Variants in BTRC observed in about 807,000 individuals in gnomAD.
The protein encoded by BTRC is beta-transducin repeat containing E3 ubiquitin protein ligase, also known as F-box/WD repeat-containing protein 1A.
A neutral mutation model predicts 85.5 loss-of-function variants in BTRC; 42 were observed. That is an observed-to-expected ratio of 0.49 (90% CI 0.38 to 0.64). The LOEUF (loss-of-function observed/expected upper bound fraction) is 0.64. BTRC is among the 30% of genes least tolerant of loss of function. The pLI is 0.00. For missense variants in BTRC, 594 were observed against 743.5 expected (o/e 0.80, Z 2.34); for synonymous variants, 255 against 263.3 (o/e 0.97, Z 0.30).
chr10:101,375,833 A>G (rs1356647102), intron 1 of BTRC, among the ~76,000 whole-genome samples: 2 of 152,148 alleles, frequency 1.3e-5, no homozygotes, highest in African/African-American at 4.8e-5. Context: ...AAAAATTGGC[A>G]TGTTCAGCAA....
chr10:101,418,780 T>C (rs928752041), intron 1 of BTRC, among the ~76,000 whole-genome samples: 4 of 152,124 alleles, frequency 2.6e-5, no homozygotes, highest in African/African-American at 9.7e-5. Context: ...CCATGGTGTT[T>C]TGTTGCACCT....
chr10:101,539,797 G>A (rs898846828), intron 13 of BTRC, among the ~76,000 whole-genome samples: 7 of 152,182 alleles, frequency 4.6e-5, no homozygotes, highest in Admixed American at 3.9e-4. Context: ...GTATATAGCA[G>A]TGTATGAGAG....
At chr10:101,373,636 G>T (rs1253490609) in intron 1 of BTRC, among the ~76,000 whole-genome samples, 2 of 152,090 alleles carry the variant, frequency 1.3e-5, no homozygotes, top group East Asian at 3.9e-4. Flanking sequence ...AGATGGGCAG[G>T]GCCGGGCGCG....
rs202032732 is a variant in BTRC at position 101,538,361 on chromosome 10, G to A, written c.1646G>A (p.Arg549Gln). The change falls in exon 13 of 15, where the codon CGG becomes CAG. Residue 549 changes from arginine (R) to glutamine (Q), a missense_variant. Arg to Gln is a conservative substitution (Grantham distance 43). This residue lies in a region of BTRC where 373 missense variants were observed against 503.6 expected (regional missense o/e 0.74). Transcript: ENST00000370187. ...GCTCCTGCAGGGACACTCTGTCTAC[G>A]GACCCTTGTGGTAAGAGCCTTGCTG... Reference protein sequence around the residue: ...PRAPAGTLCLRTLVEHSGRVF... With the variant: ...PRAPAGTLCLQTLVEHSGRVF... The A allele has an allele frequency of 3.4e-4, 547 of 1,613,250 alleles. No individual in the cohort carries two copies. Among genetic ancestry groups the A allele is most frequent in the Non-Finnish European group, 4.2e-4 (500 of 1,179,234 alleles).
chr10:101,536,114 G>A (rs1053038600), intron 11 of BTRC, among the ~76,000 whole-genome samples: 1 of 152,232 alleles, frequency 6.6e-6, no homozygotes, highest in Non-Finnish European at 1.5e-5. Flanking sequence ...GAGCTGTCCT[G>A]GACAGTGGTG....
intron 4 of BTRC, among the ~76,000 whole-genome samples, chr10:101,519,787 G>A (rs2062076663): frequency 6.6e-6 from 1 of 152,186 alleles, no homozygotes; most frequent in Non-Finnish European, 1.5e-5. Flanking sequence ...CCTGAGGTTG[G>A]GAGTTCGAGA....
chr10:101,526,024 G>A lies in BTRC; in HGVS notation c.568G>A (p.Asp190Asn). The change falls in exon 6 of 15, where the codon GAT becomes AAT. Residue 190 changes from aspartate (D) to asparagine (N), a missense_variant. Around this residue, in one of 4 missense-constraint regions of BTRC, gnomAD observed 373 missense variants for 503.6 expected, o/e 0.74. Transcript: ENST00000370187. ...CCCCCTACTGAAAGCTCGGGGATTGGATCATATTGCTGAGAACATTCTGTC... is the reference window on the plus strand; with the variant it reads ...CCCCCTACTGAAAGCTCGGGGATTGAATCATATTGCTGAGAACATTCTGTC... Reference protein sequence around the residue: ...FITALPARGLDHIAENILSYL... With the variant: ...FITALPARGLNHIAENILSYL... The A allele has an allele frequency of 6.2e-7, 1 of 1,613,780 alleles. No homozygotes were observed. The highest frequency in any genetic ancestry group is 8.5e-7 in the Non-Finnish European group (1 of 1,179,834).
At chr10:101,394,787 A>C (rs1352010574) in intron 1 of BTRC, among the ~76,000 whole-genome samples, 1 of 152,170 alleles carries the variant, frequency 6.6e-6, no homozygotes, top group Non-Finnish European at 1.5e-5. Flanking sequence ...AGATTAGGGC[A>C]AGAATAGCAA....
chr10:101,367,260 A>G (rs12254023), intron 1 of BTRC, among the ~76,000 whole-genome samples: 53,576 of 148,148 alleles, frequency 0.36, 10,754 homozygotes, highest in Middle Eastern at 0.48. Context: ...AGTAGAGACA[A>G]GGTTTCGCCA....
intron 1 of BTRC, among the ~76,000 whole-genome samples, chr10:101,393,295 TAAG>T: frequency 6.6e-6 from 1 of 152,148 alleles, no homozygotes; most frequent in Non-Finnish European, 1.5e-5. Context: ...CAGATATAAG[TAAG>T]TGTTTCCCTC....
chr10:101,545,956 A>T (rs2062551793), intron 13 of BTRC, among the ~76,000 whole-genome samples: 1 of 152,234 alleles, frequency 6.6e-6, no homozygotes, highest in Non-Finnish European at 1.5e-5. Context: ...CTAACAACAG[A>T]GCATCAAAAC....
At chr10:101,521,084 A>G (rs961328460) in intron 4 of BTRC, among the ~76,000 whole-genome samples, 1 of 152,222 alleles carries the variant, frequency 6.6e-6, no homozygotes, top group East Asian at 1.9e-4. Context: ...CCTGGGCAAC[A>G]AAAGAAGACT....
At chr10:101,502,801 G>A (rs1038664090) in intron 4 of BTRC, among the ~76,000 whole-genome samples, 1 of 152,088 alleles carries the variant, frequency 6.6e-6, no homozygotes, top group Non-Finnish European at 1.5e-5. Context: ...GAAAACTTAT[G>A]TGATAATCTA....
chr10:101,397,663 G>A (rs1589420647), intron 1 of BTRC, among the ~76,000 whole-genome samples: 1 of 152,070 alleles, frequency 6.6e-6, no homozygotes, highest in South Asian at 2.1e-4. Flanking sequence ...TTAAAAAATA[G>A]GGTGTTTTCC....
intron 4 of BTRC, among the ~76,000 whole-genome samples, chr10:101,514,434 T>C (rs2061995880): frequency 6.6e-6 from 1 of 151,680 alleles, no homozygotes; most frequent in South Asian, 2.1e-4. Context: ...GGATATCCAA[T>C]TGTTGAAAGA....
intron 4 of BTRC, among the ~76,000 whole-genome samples, chr10:101,518,211 C>T (rs1191500376): frequency 6.6e-6 from 1 of 152,140 alleles, no homozygotes; most frequent in African/African-American, 2.4e-5. Context: ...CGCGCCCGGC[C>T]GAAGTAGTGT....
At chr10:101,478,433 AT>A (rs1945747727) in intron 3 of BTRC, among the ~76,000 whole-genome samples, 1 of 151,800 alleles carries the variant, frequency 6.6e-6, no homozygotes, top group African/African-American at 2.4e-5. Context: ...ATATTTCATG[AT>A]TAGTTTTAAA....
intron 3 of BTRC, among the ~76,000 whole-genome samples, chr10:101,472,287 C>CTCTTCTCTTCTCTTCTCTTCTCTTA (rs1945549599): frequency 6.9e-6 from 1 of 145,746 alleles, no homozygotes; most frequent in African/African-American, 2.6e-5. Context: ...CTCTTCTCTT[C>CTCTTCTCTTCTCTTCTCTTCTCTTA]TCTTCTCTTC....
chr10:101,513,928 G>A (rs2061989641), intron 4 of BTRC, among the ~76,000 whole-genome samples: 2 of 152,164 alleles, frequency 1.3e-5, no homozygotes, highest in Admixed American at 1.3e-4. Context: ...CCTCATTCTT[G>A]TCCACACTTA....
Sources: gnomAD v4.1 joint callset for allele counts (sites outside exome capture counted in the v4.1 genomes callset) on GRCh38, gnomAD v4.1.1 for gene constraint, gnomAD v4.1.1 regional missense constraint, MANE v1.5 for transcripts, NCBI Gene and HGNC (gene_info 2026-07-23, HGNC 2026-07-21) for gene names.